Variants in CDH4 observed in about 807,000 individuals in gnomAD.
CDH4 encodes cadherin-4.
CDH4 carries 33 observed loss-of-function variants against 86.0 expected under a neutral mutation model. The observed-to-expected ratio is 0.38, with a 90% CI of 0.29 to 0.51. The LOEUF is 0.51. Ranked by LOEUF, CDH4 falls within the 20% of genes least tolerant of loss-of-function variation. The probability of loss-of-function intolerance (pLI) is 0.86; values close to 1 mark genes in which losing one functional copy is unlikely to be tolerated. For missense variants in CDH4, 1,114 were observed against 1,307.4 expected (o/e 0.85, Z 2.28); for synonymous variants, 555 against 549.4 (o/e 1.01, Z -0.14).
At chr20:61,315,241 C>G (rs2427071) in intron 2 of CDH4, among the ~76,000 whole-genome samples, 4 of 151,994 alleles carry the variant, frequency 2.6e-5, no homozygotes, top group Non-Finnish European at 4.4e-5. Flanking sequence ...CAGTGAGATG[C>G]TCATGGCTTT....
chr20:61,883,092 C>T (rs1056743086), intron 7 of CDH4, among the ~76,000 whole-genome samples: 3 of 152,122 alleles, frequency 2.0e-5, no homozygotes, highest in Non-Finnish European at 4.4e-5. Flanking sequence ...CCCCATTCCC[C>T]CGGCACCCCA....
At chr20:61,840,524 C>T (rs1017298288) in intron 4 of CDH4, among the ~76,000 whole-genome samples, 1 of 152,190 alleles carries the variant, frequency 6.6e-6, no homozygotes, top group African/African-American at 2.4e-5. Flanking sequence ...CGCGGAGTCC[C>T]GTAAGTTATT....
chr20:61,881,319 G>T (rs972638594), intron 7 of CDH4, among the ~76,000 whole-genome samples: 8 of 152,240 alleles, frequency 5.3e-5, no homozygotes, highest in Admixed American at 1.3e-4. Context: ...AGTCTGAGAG[G>T]AGGCTCCATT....
At chr20:61,326,175 G>C (rs1222788612) in intron 2 of CDH4, among the ~76,000 whole-genome samples, 2 of 152,164 alleles carry the variant, frequency 1.3e-5, no homozygotes, top group African/African-American at 4.8e-5. Context: ...AGGCAGGGAT[G>C]GATATGCCAC....
chr20:61,749,608 T>C (rs2088462916), intron 3 of CDH4, among the ~76,000 whole-genome samples: 1 of 152,154 alleles, frequency 6.6e-6, no homozygotes, highest in Non-Finnish European at 1.5e-5. Flanking sequence ...ATTTAGAAGT[T>C]AAGTAAAAGC....
intron 5 of CDH4, among the ~76,000 whole-genome samples, chr20:61,852,548 C>T (rs1982773798): frequency 6.6e-6 from 1 of 152,138 alleles, no homozygotes; most frequent in Non-Finnish European, 1.5e-5. Context: ...GTGCGTCGCC[C>T]CACTCTGCAC....
chr20:61,673,638 T>A (rs944257), intron 2 of CDH4, among the ~76,000 whole-genome samples: 1 of 152,038 alleles, frequency 6.6e-6, no homozygotes, highest in African/African-American at 2.4e-5. Context: ...CCATCCTTCC[T>A]GGGTGACCAG....
intron 2 of CDH4, among the ~76,000 whole-genome samples, chr20:61,349,737 CA>C (rs773129471): frequency 6.6e-6 from 1 of 152,212 alleles, no homozygotes; most frequent in Admixed American, 6.5e-5. Flanking sequence ...AGACGGCTCT[CA>C]GGGGCAGTCT....
intron 2 of CDH4, among the ~76,000 whole-genome samples, chr20:61,415,214 G>A (rs772666079): frequency 1.6e-4 from 25 of 152,164 alleles, no homozygotes; most frequent in Non-Finnish European, 2.5e-4. Flanking sequence ...CAGACCTGCC[G>A]AAGCAGGAGC....
intron 2 of CDH4, among the ~76,000 whole-genome samples, chr20:61,469,705 A>G (rs1443307708): frequency 1.3e-5 from 2 of 152,204 alleles, no homozygotes; most frequent in Non-Finnish European, 2.9e-5. Context: ...CTTAGATTTA[A>G]GTCTTTAATC....
chr20:61,718,742 A>T (rs766017387), intron 2 of CDH4: 31 of 459,408 alleles, frequency 6.7e-5, no homozygotes, highest in Admixed American at 3.6e-4. Flanking sequence ...TGCAGGAGAC[A>T]CTAGGCTAAC....
intron 2 of CDH4, among the ~76,000 whole-genome samples, chr20:61,495,897 C>T (rs1170866319): frequency 4.7e-5 from 4 of 85,842 alleles, no homozygotes; most frequent in East Asian, 3.5e-4. Context: ...AGTGAGACTC[C>T]ATCTCAAAAA....
intron 2 of CDH4, among the ~76,000 whole-genome samples, chr20:61,622,039 G>A (rs184087095): frequency 3.9e-5 from 6 of 152,352 alleles, no homozygotes; most frequent in East Asian, 1.9e-4. Context: ...TCACAGTTGC[G>A]TCTTGCCCTA....
At chr20:61,593,168 G>A (rs2086530419) in intron 2 of CDH4, among the ~76,000 whole-genome samples, 1 of 152,216 alleles carries the variant, frequency 6.6e-6, no homozygotes, top group East Asian at 1.9e-4. Context: ...AAACCTTGGA[G>A]ACTAGGGTAA....
intron 2 of CDH4, among the ~76,000 whole-genome samples, chr20:61,621,138 A>C (rs1435780273): frequency 6.6e-6 from 1 of 152,242 alleles, no homozygotes; most frequent in Non-Finnish European, 1.5e-5. Context: ...AAAGGTGAGC[A>C]TTGTGAACTG....
At chr20:61,337,928 G>A (rs1323383574) in intron 2 of CDH4, among the ~76,000 whole-genome samples, 4 of 152,172 alleles carry the variant, frequency 2.6e-5, no homozygotes, top group African/African-American at 9.6e-5. Context: ...CAAACTGCAG[G>A]GGGTTAATTA....
At chr20:61,497,370 G>A (rs2145595571) in intron 2 of CDH4, among the ~76,000 whole-genome samples, 2 of 152,154 alleles carry the variant, frequency 1.3e-5, no homozygotes, top group South Asian at 4.1e-4. Flanking sequence ...AGGATTTTTA[G>A]CTCTACCTCT....
intron 2 of CDH4, among the ~76,000 whole-genome samples, chr20:61,639,622 G>A (rs548699467): frequency 4.5e-4 from 68 of 152,290 alleles, no homozygotes; most frequent in African/African-American, 1.5e-3. Flanking sequence ...GGGATACATC[G>A]CGTCAGTGCT....
intron 2 of CDH4, among the ~76,000 whole-genome samples, chr20:61,375,401 T>C (rs772075942): frequency 1.1e-4 from 17 of 151,778 alleles, no homozygotes; most frequent in Non-Finnish European, 2.5e-4. Context: ...ATGGTGATCA[T>C]GGTGGAGGTG....
Sources: allele counts gnomAD v4.1 joint callset (sites outside exome capture counted in the v4.1 genomes callset), GRCh38; gene constraint gnomAD v4.1.1; transcripts MANE v1.5; gene names NCBI Gene and HGNC (gene_info 2026-07-23, HGNC 2026-07-21).